Variants in SLC6A2 observed in about 807,000 individuals in gnomAD.
SLC6A2 encodes the protein sodium-dependent noradrenaline transporter.
SLC6A2 carries 26 observed loss-of-function variants against 71.7 expected under a neutral mutation model. That is an observed-to-expected ratio of 0.36 (90% CI 0.27 to 0.50). The LOEUF is 0.50. SLC6A2 is among the 20% of genes least tolerant of loss of function. SLC6A2 has a pLI of 0.96. For synonymous variants in SLC6A2, 363 were observed against 337.9 expected (o/e 1.07, Z -0.82); for missense variants, 581 against 803.9 (o/e 0.72, Z 3.35).
At chr16:55,679,029 G>A (rs374933496) in intron 4 of SLC6A2, among the ~76,000 whole-genome samples, 1 of 152,158 alleles carries the variant, frequency 6.6e-6, no homozygotes, top group Non-Finnish European at 1.5e-5. Context: ...TTTCAACCAT[G>A]AGATTGGACA....
intron 9 of SLC6A2, among the ~76,000 whole-genome samples, chr16:55,697,446 A>G (rs1965834045): frequency 6.6e-6 from 1 of 152,232 alleles, no homozygotes; most frequent in Admixed American, 6.5e-5. Flanking sequence ...CTTGATCATT[A>G]GAAAGGCAGC....
Position 55,696,299 on chromosome 16 carries a change from T to C in SLC6A2, c.1222T>C (p.Phe408Leu). The C allele has an allele frequency of 6.2e-7, 1 of 1,613,482 alleles. No homozygotes were observed. The highest frequency in any genetic ancestry group is 1.1e-5 in the South Asian group (1 of 91,052). ...LSGSTFWAVV[F>L]FVMLLALGLD... Reference sequence around the variant, plus strand: ...TGGATCTACATTCTGGGCTGTTGTGTTTTTCGTCATGCTCCTGGCGCTGGG... The same window carrying C: ...TGGATCTACATTCTGGGCTGTTGTGCTTTTCGTCATGCTCCTGGCGCTGGG... Residue 408 changes from phenylalanine (F) to leucine (L), a missense_variant, in exon 9 of 15, where the codon TTT (phenylalanine) becomes CTT (leucine). By Grantham distance (22) the Phe-to-Leu change is conservative. Coordinates refer to ENST00000568943, the MANE Select transcript of SLC6A2 (RefSeq NM_001172501.3).
chr16:55,657,948 C>G (rs1398383479), intron 2 of SLC6A2, among the ~76,000 whole-genome samples: 1 of 149,302 alleles, frequency 6.7e-6, no homozygotes, highest in East Asian at 2.0e-4. Flanking sequence ...TCAGAGGTAC[C>G]CTGCAAAGAG....
chr16:55,701,783 C>A, intron 13 of SLC6A2, 80 bp from the exon 14 acceptor site: 1 of 1,035,892 alleles, frequency 9.7e-7, no homozygotes, highest in Non-Finnish European at 1.5e-6. Context: ...GCAGGTGGCC[C>A]TCATCTGGGG....
In SLC6A2 at chr16:55,705,306, A is replaced by G; in HGVS notation, c.*2960A>G. ...CCCTGAAGCTGCCTTAATTCTCAAA[A>G]GGAGTTACCGCTCAGCTGGGAGCCA... On this transcript the variant is annotated 3_prime_UTR_variant, in exon 15 of 15. Coordinates refer to ENST00000568943, the MANE Select transcript of SLC6A2 (RefSeq NM_001172501.3). 6.7e-7 allele frequency: 1 copy of G among 1,489,856 alleles called. No homozygotes were observed. Among genetic ancestry groups the G allele is most frequent in the Non-Finnish European group, 9.0e-7 (1 of 1,105,890 alleles). 92.3% of individuals were successfully genotyped at this position (1,489,856 alleles called of 1,614,324 possible).
chr16:55,676,270 A>G (rs796358690), intron 4 of SLC6A2, among the ~76,000 whole-genome samples: 20 of 152,326 alleles, frequency 1.3e-4, no homozygotes, highest in African/African-American at 4.8e-4. Flanking sequence ...TGTCTTCCTC[A>G]CCATCACATT....
intron 5 of SLC6A2, among the ~76,000 whole-genome samples, chr16:55,688,724 A>G (rs547952330): frequency 1.3e-5 from 2 of 152,280 alleles, no homozygotes; most frequent in African/African-American, 4.8e-5. Context: ...CTGCTGGTCT[A>G]TGGAGCTCAC....
At chr16:55,691,560 A>G (rs1259843880) in intron 5 of SLC6A2, among the ~76,000 whole-genome samples, 3 of 152,124 alleles carry the variant, frequency 2.0e-5, no homozygotes, top group Non-Finnish European at 4.4e-5. Context: ...CATTTTATGG[A>G]GTCAGGAGTC....
At chr16:55,694,202 A>T in intron 7 of SLC6A2, 89 bp downstream of exon 7, 1 of 988,816 alleles carries the variant, frequency 1.0e-6, no homozygotes, top group African/African-American at 1.6e-5. Flanking sequence ...CTGGAAGCCA[A>T]CTCTCCCTGG....
At chr16:55,673,499 G>A (rs1964987359) in intron 4 of SLC6A2, among the ~76,000 whole-genome samples, 1 of 152,040 alleles carries the variant, frequency 6.6e-6, no homozygotes, top group East Asian at 1.9e-4. Flanking sequence ...TTGCAAGTAA[G>A]GACTATTACC....
rs114210221 is a variant in SLC6A2, at chr16:55,700,387, T to C, written c.1758+81T>C. 5.6e-4 allele frequency: 723 copies of C among 1,281,914 alleles called. 5 individuals carry two copies. The African/African-American group carries it at 9.8e-3, about 17-fold the overall frequency. The allele number at this position is 1,281,914 out of a possible 1,614,324, so 79.4% of individuals were successfully genotyped here. A position where few individuals can be genotyped will look rare whatever the true frequency, so the allele number is the denominator to read the frequency against. On this transcript the variant is annotated intron_variant, in intron 13 of 14. Transcript: ENST00000568943. ...GGGACGACTCTCATTCCTGTTGGGG[T>C]GGGGGAAGGGACAGAAGGACACAGA...
At chr16:55,657,329 T>C (rs1258590487) in intron 2 of SLC6A2, among the ~76,000 whole-genome samples, 1 of 151,966 alleles carries the variant, frequency 6.6e-6, no homozygotes, top group Non-Finnish European at 1.5e-5. Flanking sequence ...CCTGACCTTT[T>C]GATGGTCTGC....
chr16:55,671,848 T>G lies in SLC6A2; in HGVS notation c.407-90T>G, dbSNP rs552629380. 2,045 of 1,591,582 alleles carry G rather than the reference T, an allele frequency of 1.3e-3. 4 individuals are homozygous for G. Among genetic ancestry groups the G allele is most frequent in the Non-Finnish European group, 1.3e-3 (1,554 of 1,166,812 alleles). On this transcript the variant is annotated intron_variant, in intron 3 of 14. Coordinates refer to ENST00000568943, the MANE Select transcript of SLC6A2 (RefSeq NM_001172501.3). ...TGCAGGAAACGAGAGACAGAGGGAA[T>G]GGGAGTGCAGTGGTGGAGCCACACC... is the stretch of plus-strand genomic sequence containing the variant.
intron 11 of SLC6A2, 132 bp from the exon 12 acceptor site, chr16:55,699,422 T>A: frequency 1.4e-6 from 1 of 737,986 alleles, no homozygotes; most frequent in Non-Finnish European, 2.5e-6. Flanking sequence ...CATCCCCGAG[T>A]CTCCCTAGTT....
chr16:55,691,524 A>G (rs552218320), intron 5 of SLC6A2, among the ~76,000 whole-genome samples: 4 of 152,194 alleles, frequency 2.6e-5, no homozygotes, highest in Admixed American at 6.5e-5. Flanking sequence ...TTTCCTTTAG[A>G]GAGCTCTATA....
intron 7 of SLC6A2, among the ~76,000 whole-genome samples, chr16:55,695,033 AAGCTGGTGACTCAATTCCCTG>A (rs1965751313): frequency 6.6e-6 from 1 of 152,156 alleles, no homozygotes. Flanking sequence ...TTGTTGAAGG[AAGCTGGTGACTCAATTCCCTG>A]GCAGGAGTAG....
chr16:55,698,837 G>A (rs1965881685), intron 11 of SLC6A2, among the ~76,000 whole-genome samples: 1 of 152,160 alleles, frequency 6.6e-6, no homozygotes, highest in Non-Finnish European at 1.5e-5. Flanking sequence ...ATCCTACCAG[G>A]GGGTTGTCAG....
At chr16:55,684,677 A>G (rs12446977) in intron 4 of SLC6A2, among the ~76,000 whole-genome samples, 44,273 of 152,076 alleles carry the variant, frequency 0.29, 7,498 homozygotes, top group Non-Finnish European at 0.37. Flanking sequence ...CATAGTCTCT[A>G]TGCCAGTAGC....
At chr16:55,701,572 C>A (rs535798382) in intron 13 of SLC6A2, among the ~76,000 whole-genome samples, 1 of 152,184 alleles carries the variant, frequency 6.6e-6, no homozygotes, top group African/African-American at 2.4e-5. Context: ...CTTACATGGG[C>A]GGTAAGCTCC....
Sources: allele counts gnomAD v4.1 joint callset (sites outside exome capture counted in the v4.1 genomes callset), GRCh38; gene constraint gnomAD v4.1.1; transcripts MANE v1.5; gene names NCBI Gene and HGNC (gene_info 2026-07-23, HGNC 2026-07-21).